The following PCDH9 variants were observed in gnomAD, a reference collection of about 807,000 sequenced individuals.
The protein encoded by PCDH9 is protocadherin-9.
PCDH9 carries 24 observed loss-of-function variants against 70.6 expected under a neutral mutation model. That is an observed-to-expected ratio of 0.34 (90% CI 0.25 to 0.48). The LOEUF (loss-of-function observed/expected upper bound fraction) is 0.48, where lower values mean the gene tolerates loss of function less well. PCDH9 is among the 20% of genes least tolerant of loss of function. The pLI, the probability that PCDH9 is intolerant of heterozygous loss-of-function variation, is 0.99. For missense variants in PCDH9, 1,281 were observed against 1,503.6 expected (o/e 0.85, Z 2.45); for synonymous variants, 562 against 558.5 (o/e 1.01, Z -0.09).
rs2083990608 is a variant in PCDH9 at position 66,990,980 on chromosome 13, T to C, written c.3037-87375A>G. 2 of 151,996 alleles carry C rather than the reference T, an allele frequency of 1.3e-5. 1 individual carries two copies. The highest frequency in any genetic ancestry group is 4.1e-4 in the South Asian group (2 of 4,834). The allele number at this position is 151,996 out of a possible 1,614,324, so 9.4% of individuals were successfully genotyped here. ...GTTTGGTTTCCTTATTATTGTTTAATGTTAATTTTCTTTTCCAGAAGGCTC... is the reference window on the plus strand; with the variant it reads ...GTTTGGTTTCCTTATTATTGTTTAACGTTAATTTTCTTTTCCAGAAGGCTC... On this transcript the variant is annotated intron_variant, in intron 2 of 4. Transcript: ENST00000377865.
chr13:66,632,550 CATG>C (rs1158334592), intron 3 of PCDH9, among the ~76,000 whole-genome samples: 1 of 152,152 alleles, frequency 6.6e-6, no homozygotes, highest in African/African-American at 2.4e-5. Flanking sequence ...AAAGTGTATA[CATG>C]GTAACTTCAA....
intron 3 of PCDH9, among the ~76,000 whole-genome samples, chr13:66,657,650 G>A (rs2077950750): frequency 6.6e-6 from 1 of 152,148 alleles, no homozygotes; most frequent in Non-Finnish European, 1.5e-5. Flanking sequence ...ATGGGTGTGA[G>A]TGCATGTGCA....
intron 4 of PCDH9, among the ~76,000 whole-genome samples, chr13:66,375,020 A>T (rs1956723393): frequency 6.6e-6 from 1 of 152,112 alleles, no homozygotes; most frequent in Non-Finnish European, 1.5e-5. Context: ...ACTCAGGAAG[A>T]TTTAAAGGCC....
chr13:66,952,874 C>T (rs1198347452), intron 2 of PCDH9, among the ~76,000 whole-genome samples: 1 of 152,152 alleles, frequency 6.6e-6, no homozygotes, highest in African/African-American at 2.4e-5. Flanking sequence ...GTCACCCTCC[C>T]TGCCTCCTAA....
intron 4 of PCDH9, among the ~76,000 whole-genome samples, chr13:66,574,360 A>G (rs2076781808): frequency 6.6e-6 from 1 of 152,118 alleles, no homozygotes; most frequent in African/African-American, 2.4e-5. Flanking sequence ...ACTGAACCAG[A>G]CCATCTTCCT....
intron 3 of PCDH9, among the ~76,000 whole-genome samples, chr13:66,713,621 G>GTATA (rs1415001060): frequency 3.2e-3 from 54 of 16,916 alleles, no homozygotes; most frequent in African/African-American, 6.4e-3. Context: ...AAGTGTGTGT[G>GTATA]TGTGTATATA....
At chr13:66,952,425 A>G (rs2083197693) in intron 2 of PCDH9, among the ~76,000 whole-genome samples, 1 of 152,192 alleles carries the variant, frequency 6.6e-6, no homozygotes, top group Admixed American at 6.5e-5. Flanking sequence ...TACCTAGCAT[A>G]TCATCGGTGC....
chr13:66,319,287 C>T (rs1955709106), intron 4 of PCDH9, among the ~76,000 whole-genome samples: 1 of 152,128 alleles, frequency 6.6e-6, no homozygotes, highest in Admixed American at 6.6e-5. Flanking sequence ...GTGAGGATTA[C>T]AATTTGAGAT....
intron 2 of PCDH9, among the ~76,000 whole-genome samples, chr13:67,005,723 C>T (rs1269668395): frequency 6.6e-6 from 1 of 152,142 alleles, no homozygotes; most frequent in East Asian, 1.9e-4. Flanking sequence ...TAAAGAAATG[C>T]ATTTAGCTAG....
chr13:66,595,444 G>T (rs1379203351), intron 4 of PCDH9, among the ~76,000 whole-genome samples: 3 of 151,684 alleles, frequency 2.0e-5, no homozygotes. Context: ...GAAAACATGG[G>T]TATAATGCAT....
At chr13:66,616,192 C>T (rs1379991889) in intron 4 of PCDH9, among the ~76,000 whole-genome samples, 1 of 152,206 alleles carries the variant, frequency 6.6e-6, no homozygotes, top group Non-Finnish European at 1.5e-5. Context: ...AGGAGAGGAA[C>T]ATCCAACTCA....
intron 2 of PCDH9, chr13:67,225,166 A>C: frequency 3.6e-6 from 5 of 1,375,084 alleles, no homozygotes; most frequent in Non-Finnish European, 4.7e-6. Flanking sequence ...TTCTCTTTTC[A>C]TCTTTTGCCA....
chr13:66,340,733 A>G (rs749105988), intron 4 of PCDH9, among the ~76,000 whole-genome samples: 1 of 152,202 alleles, frequency 6.6e-6, no homozygotes, highest in Non-Finnish European at 1.5e-5. Context: ...CCATTATACA[A>G]AGAGGTGAGG....
intron 4 of PCDH9, among the ~76,000 whole-genome samples, chr13:66,603,749 G>A (rs1014283105): frequency 6.6e-6 from 1 of 151,938 alleles, no homozygotes; most frequent in Non-Finnish European, 1.5e-5. Context: ...ATTATTTGAT[G>A]TAAGAGTTTT....
At chr13:66,819,031 T>C (rs991121281) in intron 3 of PCDH9, among the ~76,000 whole-genome samples, 1 of 152,014 alleles carries the variant, frequency 6.6e-6, no homozygotes, top group Non-Finnish European at 1.5e-5. Flanking sequence ...TTAAAATGGG[T>C]GTCAATATGC....
chr13:67,083,256 A>G (rs190074397), intron 2 of PCDH9, among the ~76,000 whole-genome samples: 2 of 152,188 alleles, frequency 1.3e-5, no homozygotes, highest in African/African-American at 4.8e-5. Flanking sequence ...AGAGTTTTGC[A>G]TAATTAATGT....
chr13:66,613,613 G>T (rs552812756), intron 4 of PCDH9, among the ~76,000 whole-genome samples: 1 of 152,282 alleles, frequency 6.6e-6, no homozygotes, highest in African/African-American at 2.4e-5. Context: ...GCAAAGCTTT[G>T]TTTAGCAATC....
At chr13:66,502,009 T>G (rs1279406968) in intron 4 of PCDH9, among the ~76,000 whole-genome samples, 1 of 152,234 alleles carries the variant, frequency 6.6e-6, no homozygotes, top group African/African-American at 2.4e-5. Flanking sequence ...GAAGGCTTAG[T>G]TTAACAAAGG....
chr13:66,934,318 G>C (rs1359611377), intron 2 of PCDH9, among the ~76,000 whole-genome samples: 1 of 152,022 alleles, frequency 6.6e-6, no homozygotes, highest in Non-Finnish European at 1.5e-5. Flanking sequence ...GATCACCTGA[G>C]GTCAGGAGTT....
Sources: allele counts gnomAD v4.1 joint callset (sites outside exome capture counted in the v4.1 genomes callset), GRCh38; gene constraint gnomAD v4.1.1; transcripts MANE v1.5; gene names NCBI Gene and HGNC (gene_info 2026-07-23, HGNC 2026-07-21).